The following COL9A1 variants were observed in gnomAD, a reference collection of about 807,000 sequenced individuals.
The protein encoded by COL9A1 is collagen alpha-1(IX) chain.
Under a neutral mutation model 142.6 loss-of-function variants are expected in COL9A1, and 104 were observed. The observed-to-expected ratio is 0.73, with a 90% CI of 0.62 to 0.86. COL9A1 has a LOEUF of 0.86. Ranked by LOEUF, COL9A1 falls within the 40% of genes least tolerant of loss-of-function variation. The pLI is 0.00. For missense variants in COL9A1, 1,210 were observed against 1,176.6 expected (o/e 1.03, Z -0.42); for synonymous variants, 466 against 396.0 (o/e 1.18, Z -2.10).
In COL9A1 at chr6:70,300,111, T is replaced by A; in HGVS notation, c.231A>T (p.Val77=). The A allele has an allele frequency of 6.2e-7, 1 of 1,613,836 alleles. No individual in the cohort carries two copies. Among genetic ancestry groups the A allele is most frequent in the East Asian group, 2.2e-5 (1 of 44,860 alleles). ...CCACCTGCAATGTAGCTGATCCCAC[T>A]ACTCTCTGGATAGCTCTTCTAGATG... is the stretch of plus-strand genomic sequence containing the variant. ...KAASRRAIQR[V]VGSATLQVAY... is the part of the protein sequence containing the mutation. Residue 77 remains valine, a synonymous_variant, in exon 4 of 38, where the codon GTA becomes GTT. Transcript: ENST00000357250.
rs183887503 is a variant in COL9A1 at position 70,295,320 on chromosome 6, T to C, written c.300-757A>G. ...TTTTTTTTTTTTTATGGAGTCTCAC[T>C]TTGTTGCCCAGGCTGGAGTGCAATG... On this transcript the variant is annotated intron_variant, in intron 4 of 37. Transcript: ENST00000357250. Among the ~76,000 whole-genome samples the C allele has an allele frequency of 5.0e-4, 64 of 128,970 alleles. 1 individual carries two copies. In the East Asian group the frequency reaches 0.017, roughly 35 times the overall value. 84.6% of individuals were successfully genotyped at this position (128,970 alleles called of 152,430 possible).
intron 10 of COL9A1, chr6:70,279,394 T>A (rs543036028): frequency 6.6e-6 from 1 of 152,204 alleles, no homozygotes; most frequent in Non-Finnish European, 1.5e-5. Context: ...CTAATTTGCA[T>A]ACACAGAAAG....
chr6:70,262,427 T>C (rs1414555465), intron 19 of COL9A1, among the ~76,000 whole-genome samples: 1 of 152,236 alleles, frequency 6.6e-6, no homozygotes, highest in Admixed American at 6.5e-5. Context: ...CACAGCTCGC[T>C]GAACCCTTTT....
Position 70,231,777 on chromosome 6 carries a change from A to C in COL9A1, c.2503+806T>G, listed in dbSNP as rs1021846796. ...CCACGTCTTTCTGAAGTTCTCCAGAAAGCTGTCAGTCACTCATCATGACAT... is the reference window on the plus strand; with the variant it reads ...CCACGTCTTTCTGAAGTTCTCCAGACAGCTGTCAGTCACTCATCATGACAT... On this transcript the variant is annotated intron_variant, in intron 36 of 37. Coordinates refer to ENST00000357250, the MANE Select transcript of COL9A1 (RefSeq NM_001851.6). Among the ~76,000 whole-genome samples, 7 of 152,092 alleles carry C rather than the reference A, an allele frequency of 4.6e-5. No individual in the cohort carries two copies. In the South Asian group the frequency reaches 1.2e-3, roughly 27 times the overall value.
intron 37 of COL9A1, among the ~76,000 whole-genome samples, chr6:70,218,442 T>A (rs1366909435): frequency 6.6e-6 from 1 of 152,182 alleles, no homozygotes; most frequent in East Asian, 1.9e-4. Context: ...CTGCTGAATG[T>A]TTACCCCAGT....
intron 19 of COL9A1, 60 bp from the exon 20 acceptor site, chr6:70,260,770 T>A (rs1242468732): frequency 6.4e-7 from 1 of 1,551,608 alleles, no homozygotes; most frequent in East Asian, 2.3e-5. Flanking sequence ...TTTAAAAATC[T>A]CATCACAAAA....
At chr6:70,301,789 C>A (rs1774072776) in intron 2 of COL9A1, among the ~76,000 whole-genome samples, 1 of 152,182 alleles carries the variant, frequency 6.6e-6, no homozygotes, top group Non-Finnish European at 1.5e-5. Flanking sequence ...GGCCTTCCTA[C>A]CAACTGTGAT....
intron 1 of COL9A1, 77 bp downstream of exon 1, chr6:70,302,834 T>G: frequency 2.0e-6 from 3 of 1,513,088 alleles, no homozygotes; most frequent in Non-Finnish European, 2.8e-6. Flanking sequence ...TTACCACTGC[T>G]GCAAAAATAC....
chr6:70,280,740 C>CCA, intron 10 of COL9A1, 72 bp downstream of exon 10: 2 of 1,521,614 alleles, frequency 1.3e-6, no homozygotes, highest in African/African-American at 2.8e-5. Context: ...CCTCCCCCCC[C>CCA]ACAAAACACA....
At position 70,255,486 on chromosome 6, in the gene COL9A1, G is replaced by C. The variant is rs959326193; in HGVS notation, c.1504-96C>G. 7.7e-6 allele frequency: 8 copies of C among 1,039,420 alleles called. No individual in the cohort carries two copies. In the Admixed American group the frequency reaches 1.4e-4, roughly 18 times the overall value. The allele number at this position is 1,039,420 out of a possible 1,614,324, so 64.4% of individuals were successfully genotyped here. On this transcript the variant is annotated intron_variant, in intron 21 of 37. Transcript: ENST00000357250. ...TATCATCCACGTCACCAAACTATTA[G>C]TCTTCCACCACAATGGCTTTGCTCT...
intron 1 of COL9A1, 74 bp downstream of exon 1, chr6:70,302,837 A>G: frequency 1.9e-6 from 3 of 1,539,642 alleles, no homozygotes; most frequent in Non-Finnish European, 2.7e-6. Flanking sequence ...CCACTGCTGC[A>G]AAAATACAGA....
chr6:70,229,105 T>A (rs1474015912), intron 36 of COL9A1, among the ~76,000 whole-genome samples: 4 of 152,174 alleles, frequency 2.6e-5, no homozygotes, highest in Non-Finnish European at 5.9e-5. Context: ...CTTCGAGGAC[T>A]AAGACCAGTG....
At chr6:70,226,401 C>T (rs1244256039) in intron 36 of COL9A1, among the ~76,000 whole-genome samples, 69 of 152,138 alleles carry the variant, frequency 4.5e-4, no homozygotes, top group Admixed American at 4.5e-3. Flanking sequence ...AAGACGCCTA[C>T]TTTATCACTA....
intron 8 of COL9A1, 98 bp from the exon 9 acceptor site, chr6:70,281,137 A>G: frequency 1.9e-6 from 2 of 1,076,478 alleles, no homozygotes; most frequent in Admixed American, 4.5e-5. Flanking sequence ...ACAGATGGGG[A>G]TGGTGTAAGG....
At position 70,258,261 on chromosome 6, in the gene COL9A1, T is replaced by C. The variant is rs954220286; in HGVS notation, c.1450-1440A>G. On this transcript the variant is annotated intron_variant, in intron 20 of 37. Coordinates refer to ENST00000357250, the MANE Select transcript of COL9A1 (RefSeq NM_001851.6). Reference sequence around the variant, plus strand: ...AAGGCATAATGAGGCAGCCTTCTAATGAACCAAGTTGAGATGAGAAGATGA... The same window carrying C: ...AAGGCATAATGAGGCAGCCTTCTAACGAACCAAGTTGAGATGAGAAGATGA... Among the ~76,000 whole-genome samples the C allele has an allele frequency of 9.2e-5, 14 of 152,224 alleles. No homozygotes were observed. The South Asian group carries it at 1.0e-3, about 11-fold the overall frequency.
At chr6:70,280,188 C>T (rs1773055035) in intron 10 of COL9A1, among the ~76,000 whole-genome samples, 1 of 152,204 alleles carries the variant, frequency 6.6e-6, no homozygotes, top group Non-Finnish European at 1.5e-5. Flanking sequence ...AATCTTCATA[C>T]AGTCCTAGCC....
chr6:70,264,732 G>A (rs1336711112), intron 18 of COL9A1, among the ~76,000 whole-genome samples: 7 of 152,062 alleles, frequency 4.6e-5, no homozygotes, highest in African/African-American at 1.7e-4. Flanking sequence ...AAGTTTAGGA[G>A]TAGCAATTTA....
intron 32 of COL9A1, among the ~76,000 whole-genome samples, 191 bp downstream of exon 32, chr6:70,240,498 G>T (rs1770177738): frequency 6.6e-6 from 1 of 151,814 alleles, no homozygotes; most frequent in East Asian, 1.9e-4. Flanking sequence ...CTGCAATCTT[G>T]GGAGACTTTT....
intron 17 of COL9A1, among the ~76,000 whole-genome samples, chr6:70,267,641 G>C (rs574444986): frequency 1.3e-5 from 2 of 152,268 alleles, no homozygotes; most frequent in East Asian, 3.9e-4. Flanking sequence ...CAGTTTTTAA[G>C]TGCAAAGGGA....
Sources: allele counts gnomAD v4.1 joint callset (sites outside exome capture counted in the v4.1 genomes callset), GRCh38; gene constraint gnomAD v4.1.1; transcripts MANE v1.5; gene names NCBI Gene and HGNC (gene_info 2026-07-23, HGNC 2026-07-21).